Variants in MLLT3 observed in about 807,000 individuals in gnomAD.
MLLT3 encodes the protein protein AF-9.
MLLT3 carries 4 observed loss-of-function variants against 53.2 expected under a neutral mutation model. The observed-to-expected ratio is 0.08, with a 90% CI of 0.04 to 0.17. The LOEUF (loss-of-function observed/expected upper bound fraction) is 0.17, where lower values mean the gene tolerates loss of function less well. Ranked by LOEUF, MLLT3 falls within the 10% of genes least tolerant of loss-of-function variation. The pLI is 1.00. For missense variants in MLLT3, 569 were observed against 684.0 expected, an observed-to-expected ratio of 0.83 and a Z score of 1.87; for synonymous variants, 283 against 230.6, an observed-to-expected ratio of 1.23 and a Z score of -2.06.
At chr9:20,400,618 T>C (rs1025995938) in intron 5 of MLLT3, among the ~76,000 whole-genome samples, 3 of 152,022 alleles carry the variant, frequency 2.0e-5, no homozygotes, top group Non-Finnish European at 2.9e-5. Context: ...GCACTACACA[T>C]GAAACAAAAC....
chr9:20,551,541 C>A (rs1818925597), intron 2 of MLLT3, among the ~76,000 whole-genome samples: 1 of 152,150 alleles, frequency 6.6e-6, no homozygotes, highest in Non-Finnish European at 1.5e-5. Context: ...ATGAATGTAA[C>A]AATCAGCCTT....
At chr9:20,378,730 C>A (rs922950138) in intron 5 of MLLT3, among the ~76,000 whole-genome samples, 4 of 151,868 alleles carry the variant, frequency 2.6e-5, no homozygotes, top group African/African-American at 9.7e-5. Flanking sequence ...AATGTTAAGT[C>A]CTAATAAAAA....
chr9:20,454,530 G>T (rs1365672099), intron 3 of MLLT3, among the ~76,000 whole-genome samples: 1 of 152,190 alleles, frequency 6.6e-6, no homozygotes, highest in Non-Finnish European at 1.5e-5. Flanking sequence ...TAACTTTGCT[G>T]GTGGGAAGAC....
Position 20,346,494 on chromosome 9 carries a change from T to C in MLLT3, c.1656A>G (p.Lys552=), listed in dbSNP as rs1248555696. 6.2e-7 allele frequency: 1 copy of C among 1,613,824 alleles called. No homozygotes were observed. Among genetic ancestry groups the C allele is most frequent in the Non-Finnish European group, 8.5e-7 (1 of 1,179,814 alleles). The change falls in exon 11 of 11, where the codon AAA becomes AAG. Residue 552 remains lysine (K), a synonymous_variant. Transcript: ENST00000380338. ...AACTCTGTAGTTTACGGACTGTGGT[T>C]TTGTCCAGCGAGCAAAGATCAAAAT... The part of the protein sequence containing the change: ...TFDFDLCSLD[K]TTVRKLQSYL...
chr9:20,387,971 T>A (rs1822083073), intron 5 of MLLT3, among the ~76,000 whole-genome samples: 1 of 152,204 alleles, frequency 6.6e-6, no homozygotes, highest in Non-Finnish European at 1.5e-5. Context: ...GAGTGGGGGT[T>A]AACATCACAA....
chr9:20,580,258 C>A (rs1472488711), intron 2 of MLLT3, among the ~76,000 whole-genome samples: 1 of 151,922 alleles, frequency 6.6e-6, no homozygotes, highest in East Asian at 1.9e-4. Flanking sequence ...AAGGTTAAAT[C>A]CCTTCTCTCC....
intron 2 of MLLT3, among the ~76,000 whole-genome samples, chr9:20,588,558 A>G (rs923075141): frequency 2.3e-4 from 35 of 152,200 alleles, no homozygotes; most frequent in African/African-American, 8.4e-4. Flanking sequence ...GGTCCTTCAC[A>G]TCCCTTGTAA....
At chr9:20,463,423 A>C (rs1214621597) in intron 2 of MLLT3, among the ~76,000 whole-genome samples, 5 of 151,874 alleles carry the variant, frequency 3.3e-5, no homozygotes, top group South Asian at 2.1e-4. Flanking sequence ...GCTATGTTAA[A>C]ACAGGACTGC....
rs1038733779 is a variant in MLLT3, at chr9:20,621,941, G to C, written c.12+304C>G. ...TGTGTGAGTGCGCGCGTGTGAGCGA[G>C]AGGGAGTGTGTGAGTGCGCTTCTTG... On this transcript the variant is annotated intron_variant, in intron 1 of 10. Coordinates refer to ENST00000380338, the MANE Select transcript of MLLT3 (RefSeq NM_004529.4). This position sits in a 1 kb window ranked among gnomAD's most constrained non-coding sequence, Gnocchi z 7.0. 32 of 1,389,912 alleles carry C rather than the reference G, an allele frequency of 2.3e-5. No homozygotes were observed. The highest frequency in any genetic ancestry group is 2.0e-4 in the South Asian group (12 of 61,202). 86.1% of individuals were successfully genotyped at this position (1,389,912 alleles called of 1,614,324 possible).
At chr9:20,490,106 G>T (rs1460281663) in intron 2 of MLLT3, among the ~76,000 whole-genome samples, 6 of 152,132 alleles carry the variant, frequency 3.9e-5, no homozygotes, top group Non-Finnish European at 7.4e-5. Flanking sequence ...TCACCTCCAT[G>T]ACTGCTCTTC....
chr9:20,492,201 G>T (rs1417918012), intron 2 of MLLT3, among the ~76,000 whole-genome samples: 1 of 151,792 alleles, frequency 6.6e-6, no homozygotes, highest in African/African-American at 2.4e-5. Flanking sequence ...TCATTTATTT[G>T]CAGGTGTTCC....
At chr9:20,393,625 T>C (rs1822246193) in intron 5 of MLLT3, among the ~76,000 whole-genome samples, 2 of 152,208 alleles carry the variant, frequency 1.3e-5, no homozygotes, top group African/African-American at 4.8e-5. Context: ...AGACTGTAAA[T>C]ATGTGCAATG....
intron 2 of MLLT3, among the ~76,000 whole-genome samples, chr9:20,558,360 T>C (rs1173558526): frequency 6.6e-6 from 1 of 152,158 alleles, no homozygotes; most frequent in African/African-American, 2.4e-5. Context: ...CTCAAGTGCC[T>C]AACCTCAAGT....
chr9:20,342,273 T>C lies in MLLT3; in HGVS notation c.*4170A>G, dbSNP rs1365304333. The stretch of plus-strand genomic sequence containing the variant: ...ATCAATCTGTACTTACATTTCAACA[T>C]GGATTTTAGAGAAGGGAAATACATC... On this transcript the variant is annotated 3_prime_UTR_variant, in exon 11 of 11. Coordinates refer to ENST00000380338, the MANE Select transcript of MLLT3 (RefSeq NM_004529.4). The C allele has an allele frequency of 2.7e-5, 6 of 222,914 alleles. No homozygotes were observed. The highest frequency in any genetic ancestry group is 3.6e-5 in the Non-Finnish European group (4 of 111,688). The allele number at this position is 222,914 out of a possible 1,614,324, so 13.8% of individuals were successfully genotyped here.
intron 2 of MLLT3, among the ~76,000 whole-genome samples, chr9:20,494,405 A>C (rs1825026108): frequency 6.6e-6 from 1 of 152,148 alleles, no homozygotes; most frequent in African/African-American, 2.4e-5. Context: ...CATCAATTTC[A>C]CTATAAAGGG....
intron 5 of MLLT3, among the ~76,000 whole-genome samples, chr9:20,390,766 T>C (rs1822159707): frequency 6.6e-6 from 1 of 152,238 alleles, no homozygotes; most frequent in African/African-American, 2.4e-5. Flanking sequence ...AATTAACATT[T>C]GGAGAAACAA....
chr9:20,573,165 TTTTG>T (rs1057142144), intron 2 of MLLT3, among the ~76,000 whole-genome samples: 4 of 135,046 alleles, frequency 3.0e-5, no homozygotes, highest in East Asian at 2.2e-4. Flanking sequence ...TTGTTCCTGT[TTTTG>T]TTTGTTTTTT....
In MLLT3 at chr9:20,620,149, G is replaced by C. The variant is rs1820955697; in HGVS notation, c.193+505C>G. ...TGGTGCCTCATACACAGACAGGAAA[G>C]CACAGAAGACCCTAAAGAGAACCGA... On this transcript the variant is annotated intron_variant, in intron 2 of 10. Transcript: ENST00000380338. The surrounding 1 kb of genome is among the most constrained non-coding windows in gnomAD (Gnocchi z 6.1). Among the ~76,000 whole-genome samples the C allele has an allele frequency of 6.6e-6, 1 of 151,926 alleles. No individual in the cohort carries two copies. Among genetic ancestry groups the C allele is most frequent in the Admixed American group, 6.6e-5 (1 of 15,256 alleles).
intron 4 of MLLT3, among the ~76,000 whole-genome samples, chr9:20,425,546 T>C (rs1018247516): frequency 6.6e-6 from 1 of 152,124 alleles, no homozygotes; most frequent in East Asian, 1.9e-4. Flanking sequence ...AATAAAAAGA[T>C]AAATGATTCA....
Sources: allele counts gnomAD v4.1 joint callset (sites outside exome capture counted in the v4.1 genomes callset), GRCh38; gene constraint gnomAD v4.1.1; non-coding constraint Gnocchi (gnomAD v3.1); transcripts MANE v1.5; gene names NCBI Gene and HGNC (gene_info 2026-07-23, HGNC 2026-07-21).